Variants in ST13 observed in about 807,000 individuals in gnomAD.
ST13 encodes the protein hsc70-interacting protein.
ST13 carries 23 observed loss-of-function variants against 56.7 expected under a neutral mutation model. The observed-to-expected ratio is 0.41, with a 90% confidence interval of 0.29 to 0.57. The LOEUF is 0.57. ST13 is among the 20% of genes least tolerant of loss of function. ST13 has a pLI of 0.36. For synonymous variants in ST13, 132 were observed against 142.4 expected (o/e 0.93, Z 0.52); for missense variants, 369 against 459.9 (o/e 0.80, Z 1.81).
chr22:40,836,369 C>T (rs1269655377), intron 5 of ST13, among the ~76,000 whole-genome samples: 1 of 152,062 alleles, frequency 6.6e-6, no homozygotes, highest in Admixed American at 6.6e-5. Context: ...GGCGCGAACC[C>T]GGGAGGCGGA....
chr22:40,831,711 G>A (rs1030837747), intron 8 of ST13, among the ~76,000 whole-genome samples: 2 of 152,072 alleles, frequency 1.3e-5, no homozygotes, highest in Non-Finnish European at 2.9e-5. Context: ...GTAAATTCTT[G>A]ACAGCTGAAC....
At chr22:40,847,569 A>G (rs1211820516) in intron 3 of ST13, among the ~76,000 whole-genome samples, 1 of 151,664 alleles carries the variant, frequency 6.6e-6, no homozygotes, top group Non-Finnish European at 1.5e-5. Flanking sequence ...AAAAAAAAAA[A>G]AAAAGAAAAC....
intron 8 of ST13, chr22:40,832,060 T>C (rs1387909919): frequency 2.6e-6 from 1 of 377,474 alleles, no homozygotes; most frequent in Non-Finnish European, 5.2e-6. Context: ...TTCACTACGT[T>C]GGCCAGGCTG....
intron 5 of ST13, among the ~76,000 whole-genome samples, chr22:40,838,038 T>C (rs556217657): frequency 2.7e-4 from 41 of 152,284 alleles, no homozygotes; most frequent in African/African-American, 9.9e-4. Context: ...GGCTCCTCCA[T>C]ACATTTAGTT....
rs1040579847 is a variant in ST13, at chr22:40,856,450, G to A, written c.91C>T (p.Leu31=). Residue 31 remains leucine (L), a synonymous_variant, in exon 1 of 12, where the codon CTG becomes TTG. Coordinates refer to ENST00000216218, the MANE Select transcript of ST13 (RefSeq NM_003932.5). Reference sequence around the variant, plus strand: ...TCTCACCTCTCCACCCACTCCCTCAGGAAGCGCATTTCCTCGGTGTGCAGA... The same window carrying A: ...TCTCACCTCTCCACCCACTCCCTCAAGAAGCGCATTTCCTCGGTGTGCAGA... ...SVLHTEEMRF[L]REWVESMGGK... The A allele has an allele frequency of 6.2e-7, 1 of 1,613,604 alleles. No homozygotes were observed. Among genetic ancestry groups the A allele is most frequent in the Admixed American group, 1.7e-5 (1 of 60,012 alleles).
chr22:40,838,496 C>T (rs1419212347), intron 5 of ST13, among the ~76,000 whole-genome samples: 1 of 151,838 alleles, frequency 6.6e-6, no homozygotes, highest in African/African-American at 2.4e-5. Context: ...CACAGTGCCT[C>T]ACACCTGTAA....
chr22:40,834,211 G>A (rs1568999977), intron 7 of ST13, among the ~76,000 whole-genome samples: 1 of 152,000 alleles, frequency 6.6e-6, no homozygotes, highest in Non-Finnish European at 1.5e-5. Flanking sequence ...CTTGAACCTG[G>A]GAGGTGAAGG....
In ST13 at chr22:40,840,618, T is replaced by C. The variant is rs1485828742; in HGVS notation, c.382+8A>G. On this transcript the variant is annotated splice_region_variant and intron_variant, in intron 5 of 11. Transcript: ENST00000216218. ...CTACCATAGAAATGTAGCAAAAAGA[T>C]TACTCACCATCATTTAGGGCTTCAA... 1 of 1,607,882 alleles carries C rather than the reference T, an allele frequency of 6.2e-7. No individual in the cohort carries two copies. The highest frequency in any genetic ancestry group is 2.2e-5 in the East Asian group (1 of 44,768).
Position 40,830,841 on chromosome 22 carries a change from C to T in ST13, c.797G>A (p.Arg266Lys). 1 of 1,597,816 alleles carries T rather than the reference C, an allele frequency of 6.3e-7. No homozygotes were observed. The highest frequency in any genetic ancestry group is 8.5e-7 in the Non-Finnish European group (1 of 1,171,844). Reference sequence around the variant, plus strand: ...ATGGCTTAGCTATAGGAAATTTACCCTCTGGGCTCTCTCATGCTCTTCTCG... The same window carrying T: ...ATGGCTTAGCTATAGGAAATTTACCTTCTGGGCTCTCTCATGCTCTTCTCG... The part of the protein sequence containing the change: ...KAREEHERAQ[R>K]EEEARRQSGA... Residue 266 changes from arginine (R) to lysine (K), a missense_variant and splice_region_variant, in exon 9 of 12, where the codon AGG becomes AAG. Physicochemically the swap from Arg to Lys is conservative, Grantham distance 26 (BLOSUM62 2). Coordinates refer to ENST00000216218, the MANE Select transcript of ST13 (RefSeq NM_003932.5).
At chr22:40,840,436 A>G (rs2057797968) in intron 5 of ST13, among the ~76,000 whole-genome samples, 190 bp downstream of exon 5, 1 of 152,078 alleles carries the variant, frequency 6.6e-6, no homozygotes, top group South Asian at 2.1e-4. Context: ...GAATCAAATA[A>G]GGATCTGTCC....
At chr22:40,842,539 CAT>C (rs761067720) in intron 4 of ST13, among the ~76,000 whole-genome samples, 6 of 152,112 alleles carry the variant, frequency 3.9e-5, no homozygotes, top group Non-Finnish European at 7.4e-5. Context: ...ACAGACAAAG[CAT>C]AGACTGCTTT....
rs895236920 is a variant in ST13 at position 40,824,957 on chromosome 22, T to C, written c.*1581A>G. ...TGTGGTATTTTAGAAATGTACTCCA[T>C]AGAATTTACTTCACTGCTCCTACCA... On this transcript the variant is annotated 3_prime_UTR_variant, in exon 12 of 12. Transcript: ENST00000216218. 3 of 152,166 alleles carry C rather than the reference T, an allele frequency of 2.0e-5. No homozygotes were observed. The highest frequency in any genetic ancestry group is 2.1e-4 in the South Asian group (1 of 4,832). 9.4% of individuals were successfully genotyped at this position (152,166 alleles called of 1,614,324 possible).
chr22:40,854,696 G>C (rs1002167679), intron 1 of ST13: 4 of 152,178 alleles, frequency 2.6e-5, no homozygotes, highest in Admixed American at 6.6e-5. Flanking sequence ...AGTGGAGCCA[G>C]CTCTTGGAGC....
intron 1 of ST13, among the ~76,000 whole-genome samples, chr22:40,855,887 T>A (rs759941403): frequency 6.6e-6 from 1 of 152,114 alleles, no homozygotes; most frequent in Non-Finnish European, 1.5e-5. Flanking sequence ...AACGGAGGTA[T>A]AATAAGTGAT....
intron 9 of ST13, 58 bp from the exon 10 acceptor site, chr22:40,829,732 C>T (rs750555743): frequency 5.3e-6 from 5 of 951,724 alleles, no homozygotes; most frequent in African/African-American, 1.7e-5. Flanking sequence ...GCTGTCCATG[C>T]AACCTGTCCA....
intron 4 of ST13, among the ~76,000 whole-genome samples, chr22:40,844,291 C>T (rs1178087450): frequency 2.0e-5 from 3 of 152,128 alleles, no homozygotes; most frequent in Non-Finnish European, 4.4e-5. Flanking sequence ...TCTTTTAAAA[C>T]TGCTATTACT....
chr22:40,855,522 T>C (rs1258105857), intron 1 of ST13, among the ~76,000 whole-genome samples: 1 of 152,194 alleles, frequency 6.6e-6, no homozygotes, highest in African/African-American at 2.4e-5. Flanking sequence ...TTGCTATTTA[T>C]CCCTGTTTAG....
rs181858341 is a variant in ST13 at position 40,843,517 on chromosome 22, T to G, written c.315+1322A>C. Among the ~76,000 whole-genome samples, 188 of 152,252 alleles carry G rather than the reference T, an allele frequency of 1.2e-3. 2 individuals carry two copies. The highest frequency in any genetic ancestry group is 4.5e-3 in the African/African-American group (185 of 41,556). On this transcript the variant is annotated intron_variant, in intron 4 of 11. Coordinates refer to ENST00000216218, the MANE Select transcript of ST13 (RefSeq NM_003932.5). The stretch of plus-strand genomic sequence containing the variant: ...ACCCACAATATTCAGAAACAGTGTA[T>G]TTTAGTTTTGGTGGGACCGGTAGAT...
At chr22:40,849,211 C>T (rs1278631854) in intron 2 of ST13, among the ~76,000 whole-genome samples, 2 of 152,166 alleles carry the variant, frequency 1.3e-5, no homozygotes, top group Admixed American at 1.3e-4. Context: ...GGCGCAGTGG[C>T]TCATGCCTGT....
Sources: allele counts gnomAD v4.1 joint callset (sites outside exome capture counted in the v4.1 genomes callset), GRCh38; gene constraint gnomAD v4.1.1; transcripts MANE v1.5; gene names NCBI Gene and HGNC (gene_info 2026-07-23, HGNC 2026-07-21).